Variants in ARHGEF10L observed in about 807,000 individuals in gnomAD.
ARHGEF10L encodes Rho guanine nucleotide exchange factor 10 like.
A neutral mutation model predicts 141.2 loss-of-function variants in ARHGEF10L; 69 were observed. That is an observed-to-expected ratio of 0.49 (90% CI 0.40 to 0.60). The LOEUF is 0.60. Ranked by LOEUF, ARHGEF10L falls within the 20% of genes least tolerant of loss-of-function variation. The pLI, the probability that ARHGEF10L is intolerant of heterozygous loss-of-function variation, is 0.00. For synonymous variants in ARHGEF10L, 711 were observed against 718.5 expected, an observed-to-expected ratio of 0.99 and a Z score of 0.17; for missense variants, 1,482 against 1,734.3, an observed-to-expected ratio of 0.85 and a Z score of 2.58.
chr1:17,650,901 T>C (rs958587975), intron 22 of ARHGEF10L, among the ~76,000 whole-genome samples: 2 of 152,136 alleles, frequency 1.3e-5, no homozygotes, highest in African/African-American at 4.8e-5. Flanking sequence ...AAAATCTCAA[T>C]AATTAAGATA....
the ARHGEF10L span, among the ~76,000 whole-genome samples, chr1:17,519,821 C>G: frequency 4.6e-5 from 7 of 150,846 alleles, no homozygotes; most frequent in Non-Finnish European, 8.8e-5. Flanking sequence ...CCAGCCTGGG[C>G]GATGACCAGA....
At chr1:17,579,126 T>C (rs929541080) in intron 1 of ARHGEF10L, among the ~76,000 whole-genome samples, 2 of 152,284 alleles carry the variant, frequency 1.3e-5, no homozygotes, top group Admixed American at 1.3e-4. Flanking sequence ...GTTCAAGTGA[T>C]TCTCCTGCCT....
chr1:17,543,278 A>T (rs2489612), intron 1 of ARHGEF10L, among the ~76,000 whole-genome samples: 6 of 152,148 alleles, frequency 3.9e-5, no homozygotes, highest in Admixed American at 3.3e-4. Context: ...GTTGTTAAAC[A>T]CAACCATTAT....
intron 9 of ARHGEF10L, among the ~76,000 whole-genome samples, chr1:17,618,028 C>A (rs999116364): frequency 3.3e-5 from 5 of 152,150 alleles, no homozygotes; most frequent in Admixed American, 3.3e-4. Flanking sequence ...GGTGCTCAGC[C>A]AGAGTGGGTG....
intron 26 of ARHGEF10L, among the ~76,000 whole-genome samples, chr1:17,686,242 G>A (rs1245424617): frequency 1.3e-5 from 2 of 152,226 alleles, no homozygotes. Flanking sequence ...CATGGCTTGG[G>A]GATTTGGGTT....
rs764299472 is a variant in ARHGEF10L, at chr1:17,580,574, G to T, written c.-22G>T. The T allele has an allele frequency of 1.2e-6, 2 of 1,614,140 alleles. No individual in the cohort carries two copies. Among genetic ancestry groups the T allele is most frequent in the African/African-American group, 2.7e-5 (2 of 75,034 alleles). On this transcript the variant is annotated 5_prime_UTR_variant, in exon 2 of 29. Transcript: ENST00000361221. Reference sequence around the variant, plus strand: ...ACAGGTGTGTAGCTGGGACGGTGCTGGTCTGAGCTGGACCTTGTCTGATGG... The same window carrying T: ...ACAGGTGTGTAGCTGGGACGGTGCTTGTCTGAGCTGGACCTTGTCTGATGG...
Position 17,583,334 on chromosome 1 carries a change from A to G in ARHGEF10L, c.37+2702A>G, listed in dbSNP as rs537952933. ...CTGCCCTTCTCACCCAGCAGCAGGGACTGGGCTATGACAAGGCTGTAATCA... is the reference window on the plus strand; with the variant it reads ...CTGCCCTTCTCACCCAGCAGCAGGGGCTGGGCTATGACAAGGCTGTAATCA... On this transcript the variant is annotated intron_variant, in intron 2 of 28. Coordinates refer to ENST00000361221, the MANE Select transcript of ARHGEF10L (RefSeq NM_018125.4). 1.3e-4 allele frequency among the ~76,000 whole-genome samples: 20 copies of G among 151,968 alleles called. No individual in the cohort carries two copies. In the South Asian group the frequency reaches 3.1e-3, roughly 24 times the overall value.
intron 2 of ARHGEF10L, among the ~76,000 whole-genome samples, chr1:17,587,219 G>A (rs1193345): frequency 0.89 from 135,929 of 152,196 alleles, 61,104 homozygotes; most frequent in Middle Eastern, 0.95. Context: ...GCACAGGCTC[G>A]CCCTGGGAGC....
intron 7 of ARHGEF10L, among the ~76,000 whole-genome samples, chr1:17,610,151 C>T (rs911573253): frequency 6.6e-6 from 1 of 152,200 alleles, no homozygotes; most frequent in Non-Finnish European, 1.5e-5. Context: ...CTTCCACGGG[C>T]ATCAGAACCA....
At position 17,615,736 on chromosome 1, in the gene ARHGEF10L, G is replaced by A. The variant is rs1168565352; in HGVS notation, c.727-358G>A. 5.2e-6 allele frequency: 1 copy of A among 192,258 alleles called. No homozygotes were observed. The highest frequency in any genetic ancestry group is 2.3e-5 in the African/African-American group (1 of 43,582). 11.9% of individuals were successfully genotyped at this position (192,258 alleles called of 1,614,324 possible). A position where few individuals can be genotyped will look rare whatever the true frequency, so the allele number is the denominator to read the frequency against. ...GGAAATGGAGGCTCAGTGACGTTCA[G>A]TGACGTGCCCAGAGTCATGCCATTG... On this transcript the variant is annotated intron_variant, in intron 8 of 28. Coordinates refer to ENST00000361221, the MANE Select transcript of ARHGEF10L (RefSeq NM_018125.4). This position sits in a 1 kb window ranked among gnomAD's most constrained non-coding sequence, Gnocchi z 4.7.
intron 26 of ARHGEF10L, among the ~76,000 whole-genome samples, chr1:17,681,647 C>T (rs1445054891): frequency 6.6e-6 from 1 of 152,188 alleles, no homozygotes. Flanking sequence ...GGGAGCCCTA[C>T]ACCTCCCACA....
At chr1:17,546,327 AG>A (rs1316143950) in intron 1 of ARHGEF10L, among the ~76,000 whole-genome samples, 1 of 152,208 alleles carries the variant, frequency 6.6e-6, no homozygotes, top group Non-Finnish European at 1.5e-5. Flanking sequence ...ATACCAGAAA[AG>A]CTGCTTCTGT....
the ARHGEF10L span, among the ~76,000 whole-genome samples, chr1:17,524,730 T>C: frequency 6.6e-6 from 1 of 152,168 alleles, no homozygotes; most frequent in South Asian, 2.1e-4. Flanking sequence ...CTTGGTCTGG[T>C]CTTCATGTCT....
intron 21 of ARHGEF10L, 52 bp downstream of exon 21, chr1:17,640,354 G>A (rs766235605): frequency 6.6e-7 from 1 of 1,510,274 alleles, no homozygotes; most frequent in Non-Finnish European, 9.1e-7. Context: ...GTGGAACGGG[G>A]AGGTTTGGGG....
intron 2 of ARHGEF10L, among the ~76,000 whole-genome samples, chr1:17,583,250 T>C (rs2078741225): frequency 6.7e-6 from 1 of 148,476 alleles, no homozygotes; most frequent in African/African-American, 2.5e-5. Context: ...CCTGAGTCCC[T>C]GGACATGGCT....
At chr1:17,567,117 C>G (rs549208330) in intron 1 of ARHGEF10L, among the ~76,000 whole-genome samples, 1 of 152,220 alleles carries the variant, frequency 6.6e-6, no homozygotes, top group Non-Finnish European at 1.5e-5. Flanking sequence ...TTGGATAGAC[C>G]TGGCAAAGGC....
chr1:17,688,198 A>G lies in ARHGEF10L; in HGVS notation c.3184+451A>G, dbSNP rs182298050. Among the ~76,000 whole-genome samples, 374 of 152,232 alleles carry G rather than the reference A, an allele frequency of 2.5e-3. 2 individuals are homozygous for G. Among genetic ancestry groups the G allele is most frequent in the Non-Finnish European group, 4.5e-3 (305 of 68,012 alleles). On this transcript the variant is annotated intron_variant, in intron 27 of 28. Coordinates refer to ENST00000361221, the MANE Select transcript of ARHGEF10L (RefSeq NM_018125.4). ...TTGGAGTTTTTTCTGAGAAAGGCAA[A>G]TTCCCCTCTTGGGCCTTCTAGTCTG...
intron 1 of ARHGEF10L, among the ~76,000 whole-genome samples, chr1:17,553,572 T>A (rs1424308598): frequency 6.6e-6 from 1 of 151,908 alleles, no homozygotes; most frequent in African/African-American, 2.4e-5. Context: ...GCTTGAGCCC[T>A]GGAGTTCAAG....
At chr1:17,630,421 C>T (rs1571079868) in intron 15 of ARHGEF10L, among the ~76,000 whole-genome samples, 1 of 152,348 alleles carries the variant, frequency 6.6e-6, no homozygotes, top group East Asian at 1.9e-4. Flanking sequence ...GGGCGGGGGG[C>T]CCTGCTGTCT....
Sources: allele counts gnomAD v4.1 joint callset (sites outside exome capture counted in the v4.1 genomes callset), GRCh38; gene constraint gnomAD v4.1.1; non-coding constraint Gnocchi (gnomAD v3.1); transcripts MANE v1.5; gene names NCBI Gene and HGNC (gene_info 2026-07-23, HGNC 2026-07-21).